RIMS2: variants seen among roughly 807,000 people sequenced by gnomAD.
RIMS2 encodes regulating synaptic membrane exocytosis 2.
RIMS2 carries 59 observed loss-of-function variants against 174.4 expected under a neutral mutation model. The observed-to-expected ratio is 0.34, with a 90% CI of 0.27 to 0.42. The LOEUF (loss-of-function observed/expected upper bound fraction) is 0.42, where lower values mean the gene tolerates loss of function less well. Ranked by LOEUF, RIMS2 falls within the 10% of genes least tolerant of loss-of-function variation. The pLI, the probability that RIMS2 is intolerant of heterozygous loss-of-function variation, is 1.00. For missense variants in RIMS2, 1,620 were observed against 1,666.3 expected, an observed-to-expected ratio of 0.97 and a Z score of 0.48; for synonymous variants, 606 against 572.5, an observed-to-expected ratio of 1.06 and a Z score of -0.84.
intron 2 of RIMS2, among the ~76,000 whole-genome samples, chr8:103,749,110 A>AT (rs11391244): frequency 0.41 from 56,765 of 137,976 alleles, 11,612 homozygotes; most frequent in East Asian, 0.68. Flanking sequence ...TATGCTTTCT[A>AT]TTTTTTTTTT....
intron 3 of RIMS2, among the ~76,000 whole-genome samples, chr8:103,823,191 G>A (rs1376425226): frequency 6.6e-6 from 1 of 151,844 alleles, no homozygotes; most frequent in Non-Finnish European, 1.5e-5. Flanking sequence ...CCACACAGAG[G>A]CATAATAAAA....
chr8:103,973,497 TA>T (rs1236897575), intron 15 of RIMS2, among the ~76,000 whole-genome samples: 1 of 152,074 alleles, frequency 6.6e-6, no homozygotes, highest in Non-Finnish European at 1.5e-5. Context: ...TTTTATGCAA[TA>T]AAAATATTTA....
chr8:104,191,442 AGT>A (rs1308628996), intron 19 of RIMS2, among the ~76,000 whole-genome samples: 1 of 152,152 alleles, frequency 6.6e-6, no homozygotes, highest in East Asian at 1.9e-4. Context: ...GATTTAGTAA[AGT>A]GTGACACCAA....
chr8:104,155,473 G>T (rs1301738450), intron 19 of RIMS2, among the ~76,000 whole-genome samples: 1 of 141,462 alleles, frequency 7.1e-6, no homozygotes, highest in African/African-American at 2.7e-5. Context: ...GAGTACAGTG[G>T]CGCGATCTCG....
intron 1 of RIMS2, among the ~76,000 whole-genome samples, chr8:103,548,793 C>T (rs540108409): frequency 6.6e-6 from 1 of 152,164 alleles, no homozygotes; most frequent in African/African-American, 2.4e-5. Context: ...CTAAAAGCTC[C>T]TAGATCTGAA....
intron 19 of RIMS2, among the ~76,000 whole-genome samples, chr8:104,129,223 TA>T (rs879607610): frequency 0.066 from 9,491 of 142,882 alleles, 585 homozygotes; most frequent in African/African-American, 0.16. Context: ...TTGTCTCTAT[TA>T]AAAAAAAAAA....
At chr8:103,726,338 CT>C (rs1390985078) in intron 2 of RIMS2, among the ~76,000 whole-genome samples, 1 of 152,108 alleles carries the variant, frequency 6.6e-6, no homozygotes, top group African/African-American at 2.4e-5. Flanking sequence ...TGCGGCTTGG[CT>C]TTTCATTTTC....
intron 19 of RIMS2, among the ~76,000 whole-genome samples, chr8:104,128,189 T>C (rs1004244003): frequency 2.6e-5 from 4 of 152,258 alleles, no homozygotes; most frequent in African/African-American, 9.6e-5. Context: ...ATTTAAATTC[T>C]TCCCAGTCAC....
rs573319376 is a variant in RIMS2 at position 103,842,276 on chromosome 8, T to C, written c.699-43022T>C. ...GAAAAAATACAGTTATAGTTTTTGC[T>C]TTTGTTTTACATATAAGAAATAAAA... On this transcript the variant is annotated intron_variant, in intron 3 of 23. Coordinates refer to ENST00000504942, the Ensembl canonical transcript of RIMS2. Among the ~76,000 whole-genome samples, 4 of 152,212 alleles carry C rather than the reference T, an allele frequency of 2.6e-5. No homozygotes were observed. The South Asian group carries it at 6.2e-4, about 24-fold the overall frequency.
intron 19 of RIMS2, among the ~76,000 whole-genome samples, chr8:104,137,939 C>T (rs555049304): frequency 8.5e-5 from 13 of 152,134 alleles, no homozygotes; most frequent in Non-Finnish European, 1.2e-4. Flanking sequence ...CACCTGCCAC[C>T]GCCACTACCC....
intron 8 of RIMS2, among the ~76,000 whole-genome samples, chr8:103,917,274 G>C (rs2076792480): frequency 6.6e-6 from 1 of 152,122 alleles, no homozygotes; most frequent in Non-Finnish European, 1.5e-5. Context: ...GAATGGTAAT[G>C]TCCAGTTTTA....
At chr8:103,663,659 C>T (rs2096631501) in intron 1 of RIMS2, among the ~76,000 whole-genome samples, 1 of 152,194 alleles carries the variant, frequency 6.6e-6, no homozygotes, top group African/African-American at 2.4e-5. Context: ...AAGAATATTC[C>T]ATGCTCATGG....
At chr8:103,671,308 T>C (rs1314899246) in intron 1 of RIMS2, among the ~76,000 whole-genome samples, 2 of 152,122 alleles carry the variant, frequency 1.3e-5, no homozygotes, top group African/African-American at 2.4e-5. Flanking sequence ...CCATATCACA[T>C]TGGTAATTTG....
intron 19 of RIMS2, among the ~76,000 whole-genome samples, chr8:104,218,165 T>C (rs942886341): frequency 2.2e-4 from 34 of 152,346 alleles, no homozygotes; most frequent in African/African-American, 7.5e-4. Flanking sequence ...TTTATAACTT[T>C]TCATGAGAAA....
intron 19 of RIMS2, among the ~76,000 whole-genome samples, chr8:104,231,013 G>A (rs533329128): frequency 2.0e-4 from 31 of 152,272 alleles, no homozygotes; most frequent in African/African-American, 6.7e-4. Context: ...CACACTTATT[G>A]ACCAAATGTG....
intron 1 of RIMS2, among the ~76,000 whole-genome samples, chr8:103,605,667 A>G (rs1401613555): frequency 1.3e-5 from 2 of 152,124 alleles, no homozygotes; most frequent in Non-Finnish European, 2.9e-5. Context: ...GAGTATTGCC[A>G]CAATTTCTGA....
intron 1 of RIMS2, among the ~76,000 whole-genome samples, chr8:103,549,540 T>C (rs545788342): frequency 6.6e-6 from 1 of 152,124 alleles, no homozygotes; most frequent in Admixed American, 6.6e-5. Flanking sequence ...AGCCCATCAA[T>C]GCTAGGAAGA....
intron 14 of RIMS2, among the ~76,000 whole-genome samples, chr8:103,959,521 A>T (rs1032444456): frequency 6.6e-6 from 1 of 151,728 alleles, no homozygotes; most frequent in African/African-American, 2.4e-5. Context: ...CTCCTGCCTC[A>T]ACCTCCCTAG....
At chr8:104,128,651 C>T (rs767112963) in intron 19 of RIMS2, among the ~76,000 whole-genome samples, 4 of 152,064 alleles carry the variant, frequency 2.6e-5, no homozygotes, top group South Asian at 2.1e-4. Context: ...GAGCCAAGAT[C>T]GCGCCATTGT....
Sources: gnomAD v4.1 joint callset for allele counts (sites outside exome capture counted in the v4.1 genomes callset) on GRCh38, gnomAD v4.1.1 for gene constraint, MANE v1.5 for transcripts, NCBI Gene and HGNC (gene_info 2026-07-23, HGNC 2026-07-21) for gene names.